The following APBB2 variants were observed in gnomAD, a reference collection of about 807,000 sequenced individuals.
APBB2 encodes amyloid beta precursor protein binding family B member 2.
In APBB2, 38 loss-of-function variants were observed where a neutral mutation model predicts 82.5. The ratio of observed to expected loss-of-function variants is 0.46; its 90% CI spans 0.36 to 0.60. The LOEUF (loss-of-function observed/expected upper bound fraction) is 0.60, where lower values mean the gene tolerates loss of function less well. Among genes scored for constraint, APBB2 ranks in the 20% least tolerant of loss-of-function variants. The probability of loss-of-function intolerance (pLI) is 0.00; values close to 1 mark genes in which losing one functional copy is unlikely to be tolerated. For synonymous variants in APBB2, 341 were observed against 368.2 expected, an observed-to-expected ratio of 0.93 and a Z score of 0.85; for missense variants, 772 against 972.3, an observed-to-expected ratio of 0.79 and a Z score of 2.74.
chr4:40,905,231 C>A (rs1578324013), intron 10 of APBB2, among the ~76,000 whole-genome samples: 1 of 152,132 alleles, frequency 6.6e-6, no homozygotes, highest in African/African-American at 2.4e-5. Flanking sequence ...AATGGCTGGT[C>A]CCTTCATGAA....
chr4:41,187,917 T>C (rs915596820), intron 1 of APBB2, among the ~76,000 whole-genome samples: 1 of 152,236 alleles, frequency 6.6e-6, no homozygotes, highest in African/African-American at 2.4e-5. Context: ...TAAACATCTA[T>C]TGAGATTTAT....
At chr4:41,180,580 C>T (rs1031475375) in intron 1 of APBB2, among the ~76,000 whole-genome samples, 3 of 151,980 alleles carry the variant, frequency 2.0e-5, no homozygotes, top group African/African-American at 4.8e-5. Context: ...CCCAGGAGGT[C>T]GAGGCTGCAG....
At chr4:40,930,381 A>C (rs1317118447) in intron 10 of APBB2, among the ~76,000 whole-genome samples, 1 of 152,124 alleles carries the variant, frequency 6.6e-6, no homozygotes, top group Non-Finnish European at 1.5e-5. Flanking sequence ...GGTTCAAAAA[A>C]CATTTTCAGA....
At chr4:40,900,213 A>G (rs1409509840) in intron 10 of APBB2, among the ~76,000 whole-genome samples, 4 of 152,302 alleles carry the variant, frequency 2.6e-5, no homozygotes, top group East Asian at 3.9e-4. Flanking sequence ...GCACAATAAC[A>G]ACTGTGTATT....
At chr4:41,104,045 G>C (rs984372485) in intron 2 of APBB2, among the ~76,000 whole-genome samples, 4 of 152,188 alleles carry the variant, frequency 2.6e-5, no homozygotes, top group Non-Finnish European at 4.4e-5. Context: ...TATCTAAGCT[G>C]TCCTAATATC....
intron 17 of APBB2, among the ~76,000 whole-genome samples, chr4:40,821,644 A>C (rs1747972573): frequency 1.3e-5 from 2 of 152,220 alleles, no homozygotes. Context: ...TATGAAACTC[A>C]TCGGAGCCTC....
intron 1 of APBB2, among the ~76,000 whole-genome samples, chr4:41,169,611 C>G (rs148902924): frequency 1.3e-5 from 2 of 152,254 alleles, no homozygotes; most frequent in East Asian, 3.9e-4. Context: ...AAAAGGAGAA[C>G]TGGAAAAATG....
At chr4:41,199,583 A>G (rs1776178826) in intron 1 of APBB2, among the ~76,000 whole-genome samples, 1 of 152,190 alleles carries the variant, frequency 6.6e-6, no homozygotes, top group African/African-American at 2.4e-5. Flanking sequence ...AATCATTGAT[A>G]TTTTATTTGT....
intron 1 of APBB2, chr4:41,177,430 CAT>C (rs1215348139): frequency 6.6e-6 from 1 of 152,078 alleles, no homozygotes; most frequent in African/African-American, 2.4e-5. Context: ...CAAACTGTAA[CAT>C]AAAAAATATT....
At position 40,887,681 on chromosome 4, in the gene APBB2, T is replaced by C. The variant is rs140079609; in HGVS notation, c.1529+2683A>G. Among the ~76,000 whole-genome samples, 70 of 152,238 alleles carry C rather than the reference T, an allele frequency of 4.6e-4. No homozygotes were observed. In the South Asian group the frequency reaches 6.0e-3, roughly 13 times the overall value. On this transcript the variant is annotated intron_variant, in intron 12 of 17. Transcript: ENST00000508593. ...CACTGGCAAACACACTTTTAAAATTTACCGTTTCCATGCCAATCCAGCTGA... is the reference window on the plus strand; with the variant it reads ...CACTGGCAAACACACTTTTAAAATTCACCGTTTCCATGCCAATCCAGCTGA...
chr4:41,144,301 G>A (rs1413413072), intron 1 of APBB2, among the ~76,000 whole-genome samples: 1 of 152,024 alleles, frequency 6.6e-6, no homozygotes, highest in Non-Finnish European at 1.5e-5. Context: ...ATCTCGAAAG[G>A]AACAGCAGAA....
chr4:40,949,677 T>C (rs542085723), intron 6 of APBB2, among the ~76,000 whole-genome samples: 1 of 152,232 alleles, frequency 6.6e-6, no homozygotes, highest in African/African-American at 2.4e-5. Flanking sequence ...TCAATCTCTT[T>C]TGTTCTCAGA....
intron 2 of APBB2, among the ~76,000 whole-genome samples, chr4:41,119,579 A>G (rs2153990461): frequency 6.6e-6 from 1 of 151,456 alleles, no homozygotes; most frequent in East Asian, 1.9e-4. Flanking sequence ...TCGCAGTCCC[A>G]ATTCCCAAGT....
At chr4:40,859,331 C>T (rs944833076) in intron 12 of APBB2, among the ~76,000 whole-genome samples, 6 of 151,340 alleles carry the variant, frequency 4.0e-5, no homozygotes, top group Admixed American at 6.6e-5. Context: ...GTGCAGTGGC[C>T]GCTATCTTGG....
At chr4:40,856,685 G>A (rs1761292218) in intron 12 of APBB2, among the ~76,000 whole-genome samples, 1 of 147,024 alleles carries the variant, frequency 6.8e-6, no homozygotes, top group Admixed American at 6.7e-5. Context: ...CGCTGTCCAC[G>A]GCAGAAATGC....
chr4:41,069,612 A>G (rs1231436652), intron 3 of APBB2, among the ~76,000 whole-genome samples: 2 of 152,218 alleles, frequency 1.3e-5, no homozygotes, highest in Non-Finnish European at 1.5e-5. Context: ...AAGGCATCAG[A>G]TGCCTACTAA....
chr4:40,932,872 G>A (rs775765783), intron 10 of APBB2, among the ~76,000 whole-genome samples: 2 of 151,236 alleles, frequency 1.3e-5, no homozygotes, highest in Non-Finnish European at 2.9e-5. Context: ...GTTTTGTTTT[G>A]TTTTGTTTCG....
rs563225425 is a variant in APBB2 at position 41,151,193 on chromosome 4, T to C, written c.-416-8051A>G. Among the ~76,000 whole-genome samples the C allele has an allele frequency of 5.3e-5, 8 of 152,352 alleles. No homozygotes were observed. The South Asian group carries it at 1.7e-3, about 32-fold the overall frequency. Reference sequence around the variant, plus strand: ...TGTGGGGCAATGTTTATCTTAAAATTGTTAACATATAATGGTGGCTCTTAC... The same window carrying C: ...TGTGGGGCAATGTTTATCTTAAAATCGTTAACATATAATGGTGGCTCTTAC... On this transcript the variant is annotated intron_variant, in intron 1 of 17. Coordinates refer to ENST00000508593, the MANE Select transcript of APBB2 (RefSeq NM_004307.2).
intron 6 of APBB2, among the ~76,000 whole-genome samples, chr4:40,950,286 A>C (rs1789738603): frequency 6.6e-6 from 1 of 152,250 alleles, no homozygotes; most frequent in African/African-American, 2.4e-5. Flanking sequence ...AATAGTATTA[A>C]CTAGTAAAGT....
Sources: allele counts gnomAD v4.1 joint callset (sites outside exome capture counted in the v4.1 genomes callset), GRCh38; gene constraint gnomAD v4.1.1; transcripts MANE v1.5; gene names NCBI Gene and HGNC (gene_info 2026-07-23, HGNC 2026-07-21).